ADGRL2: variants seen among roughly 807,000 people sequenced by gnomAD.
The protein encoded by ADGRL2 is calcium-independent alpha-latrotoxin receptor 2.
ADGRL2 carries 44 observed loss-of-function variants against 157.4 expected under a neutral mutation model. The observed-to-expected ratio is 0.28, with a 90% CI of 0.22 to 0.36. The LOEUF (loss-of-function observed/expected upper bound fraction) is 0.36, where lower values mean the gene tolerates loss of function less well. Among genes scored for constraint, ADGRL2 ranks in the 10% least tolerant of loss-of-function variants. The probability of loss-of-function intolerance (pLI) is 1.00; values close to 1 mark genes in which losing one functional copy is unlikely to be tolerated. For synonymous variants in ADGRL2, 585 were observed against 624.7 expected (o/e 0.94, Z 0.95); for missense variants, 1,510 against 1,768.9 (o/e 0.85, Z 2.63).
chr1:81,966,284 T>C, intron 12 of ADGRL2, 101 bp downstream of exon 12: 1 of 1,544,956 alleles, frequency 6.5e-7, no homozygotes, highest in South Asian at 1.2e-5. Flanking sequence ...AAAAACGGCT[T>C]ACCATTTAAA....
intron 2 of ADGRL2, 61 bp from the exon 3 acceptor site, chr1:81,906,956 A>T: frequency 7.6e-7 from 1 of 1,311,992 alleles, no homozygotes; most frequent in Non-Finnish European, 1.1e-6. Context: ...AAAATGCTTT[A>T]CTAAAATAAT....
At chr1:81,828,255 TC>T (rs150341375) in intron 1 of ADGRL2, among the ~76,000 whole-genome samples, 3,460 of 152,316 alleles carry the variant, frequency 0.023, 139 homozygotes, top group African/African-American at 0.079. Flanking sequence ...TTCTGTCTGG[TC>T]CTCCATAGAA....
At chr1:81,309,401 ACTTAGCCAAGG>A (rs1339768615) in intron 1 of ADGRL2, among the ~76,000 whole-genome samples, 1 of 152,184 alleles carries the variant, frequency 6.6e-6, no homozygotes, top group Non-Finnish European at 1.5e-5. Context: ...GGTTTAAGTA[ACTTAGCCAAGG>A]CCACACAGTT....
Position 81,836,778 on chromosome 1 carries a change from T to A in ADGRL2, c.-100-107T>A, listed in dbSNP as rs1456626766. 1.6e-5 allele frequency: 7 copies of A among 428,832 alleles called. No homozygotes were observed. The East Asian group carries it at 2.2e-4, about 13-fold the overall frequency. The allele number at this position is 428,832 out of a possible 1,614,324, so 26.6% of individuals were successfully genotyped here. A position where few individuals can be genotyped will look rare whatever the true frequency, so the allele number is the denominator to read the frequency against. On this transcript the variant is annotated intron_variant, in intron 1 of 23. Transcript: ENST00000686636. ...AGCAGCTTCCATAGTGGACATAGAATCAAAATATGTTTTATATTCAGGAGA... is the reference window on the plus strand; with the variant it reads ...AGCAGCTTCCATAGTGGACATAGAAACAAAATATGTTTTATATTCAGGAGA...
At chr1:81,645,508 T>C (rs550341929) in intron 3 of ADGRL2, among the ~76,000 whole-genome samples, 13 of 152,020 alleles carry the variant, frequency 8.6e-5, no homozygotes, top group African/African-American at 3.1e-4. Flanking sequence ...ATCCCAGAGG[T>C]AGAGGCCATC....
At chr1:81,780,863 C>G (rs1015195951) in intron 2 of ADGRL2, among the ~76,000 whole-genome samples, 2 of 152,056 alleles carry the variant, frequency 1.3e-5, no homozygotes, top group Non-Finnish European at 1.5e-5. Context: ...TATGTCCCCC[C>G]ACAGAATAAA....
chr1:81,921,239 A>G (rs1337246966), intron 3 of ADGRL2, among the ~76,000 whole-genome samples: 1 of 152,212 alleles, frequency 6.6e-6, no homozygotes, highest in Non-Finnish European at 1.5e-5. Context: ...TATGTAGAAT[A>G]TGTAATGTTT....
chr1:81,833,472 A>G (rs1395287426), intron 1 of ADGRL2, among the ~76,000 whole-genome samples: 1 of 152,230 alleles, frequency 6.6e-6, no homozygotes, highest in African/African-American at 2.4e-5. Context: ...AACCAGTTTT[A>G]GAAAATTGTA....
rs1362416919 is a variant in ADGRL2 at position 81,816,831 on chromosome 1, T to C, written c.-101+15763T>C. Among the ~76,000 whole-genome samples the C allele has an allele frequency of 3.3e-5, 5 of 152,134 alleles. No individual in the cohort carries two copies. In the East Asian group the frequency reaches 9.7e-4, roughly 29 times the overall value. ...TTCAACCTACAAAATAAAACTTTAT[T>C]ACATGTACTTTACCAAGTCCTTAAT... On this transcript the variant is annotated intron_variant, in intron 1 of 23. Transcript: ENST00000686636.
At chr1:81,417,423 A>C (rs1423240953) in intron 1 of ADGRL2, among the ~76,000 whole-genome samples, 4 of 152,102 alleles carry the variant, frequency 2.6e-5, no homozygotes, top group African/African-American at 9.7e-5. Flanking sequence ...TTTCCTTCAA[A>C]ATATTTTATT....
chr1:81,525,270 G>A lies in ADGRL2; in HGVS notation c.-247-55606G>A, dbSNP rs928574716. The stretch of plus-strand genomic sequence containing the variant: ...ACAAATTAGAGAGTACCCGGAAGGA[G>A]CCTAACATTCCACACGTGTAGTAAA... On this transcript the variant is annotated intron_variant, in intron 2 of 24. Coordinates refer to the ADGRL2 transcript ENST00000370721. 7.3e-5 allele frequency among the ~76,000 whole-genome samples: 11 copies of A among 151,624 alleles called. 1 individual carries two copies. The highest frequency in any genetic ancestry group is 7.2e-4 in the Admixed American group (11 of 15,242).
chr1:81,483,858 G>A (rs2078443545), intron 2 of ADGRL2, among the ~76,000 whole-genome samples: 17 of 152,144 alleles, frequency 1.1e-4, no homozygotes, highest in Admixed American at 9.8e-4. Flanking sequence ...AAAGTCTCCT[G>A]AATAAGACTG....
intron 2 of ADGRL2, among the ~76,000 whole-genome samples, chr1:81,762,950 G>T: frequency 6.6e-6 from 1 of 151,054 alleles, no homozygotes; most frequent in Non-Finnish European, 1.5e-5. Context: ...TGCTCAGGAG[G>T]CTGAGGCAGG....
At chr1:81,660,851 CAGAT>C (rs1292315583) in intron 3 of ADGRL2, among the ~76,000 whole-genome samples, 1 of 152,088 alleles carries the variant, frequency 6.6e-6, no homozygotes, top group Non-Finnish European at 1.5e-5. Context: ...AATTATATGA[CAGAT>C]AAAGCATACT....
At chr1:81,818,952 C>T (rs1456259452) in intron 1 of ADGRL2, among the ~76,000 whole-genome samples, 1 of 152,002 alleles carries the variant, frequency 6.6e-6, no homozygotes. Flanking sequence ...AATATAGTGC[C>T]TTAGGGGGAA....
intron 2 of ADGRL2, among the ~76,000 whole-genome samples, chr1:81,769,299 A>G (rs2086261194): frequency 6.6e-6 from 1 of 152,146 alleles, no homozygotes; most frequent in Admixed American, 6.6e-5. Context: ...CCCACTCAAG[A>G]AAGCATTCCC....
intron 1 of ADGRL2, among the ~76,000 whole-genome samples, chr1:81,420,367 A>G (rs1412687319): frequency 1.3e-5 from 2 of 152,224 alleles, no homozygotes; most frequent in African/African-American, 4.8e-5. Context: ...CTATCTAAAT[A>G]TCTTCTAAAA....
chr1:81,623,335 T>C (rs1473954337), intron 3 of ADGRL2, among the ~76,000 whole-genome samples: 2 of 152,218 alleles, frequency 1.3e-5, no homozygotes, highest in Non-Finnish European at 2.9e-5. Context: ...TGATAGAAGA[T>C]TTAAAAATTG....
At chr1:81,623,635 C>CT (rs752595573) in intron 3 of ADGRL2, among the ~76,000 whole-genome samples, 19,226 of 118,930 alleles carry the variant, frequency 0.16, 2,163 homozygotes, top group African/African-American at 0.19. Flanking sequence ...TGATATCTTC[C>CT]TTTTTTTTTT....
Sources: gnomAD v4.1 joint callset for allele counts (sites outside exome capture counted in the v4.1 genomes callset) on GRCh38, gnomAD v4.1.1 for gene constraint, MANE v1.5 for transcripts, NCBI Gene and HGNC (gene_info 2026-07-23, HGNC 2026-07-21) for gene names.